The following HEMK2 variants were observed in gnomAD, a reference collection of about 807,000 sequenced individuals.
The protein encoded by HEMK2 is HemK methyltransferase 2, ETF1 glutamine and histone H4 lysine, also known as methyltransferase HEMK2.
At chr21:28,634,485 A>G in the HEMK2 span, among the ~76,000 whole-genome samples, 1 of 152,212 alleles carries the variant, frequency 6.6e-6, no homozygotes, top group Admixed American at 6.5e-5. Context: ...GTTTAAGTAG[A>G]TAAGTAGCTA....
the HEMK2 span, among the ~76,000 whole-genome samples, chr21:28,694,842 C>T: frequency 6.6e-6 from 1 of 151,920 alleles, no homozygotes; most frequent in Non-Finnish European, 1.5e-5. Flanking sequence ...ACTAAAAATA[C>T]AAAAAATTAG....
the HEMK2 span, among the ~76,000 whole-genome samples, chr21:28,880,949 A>AAAAAAG: frequency 1.4e-5 from 2 of 139,692 alleles, no homozygotes; most frequent in African/African-American, 2.5e-5. Flanking sequence ...AAAAAAAAAA[A>AAAAAAG]AAACCGGAAA....
the HEMK2 span, among the ~76,000 whole-genome samples, chr21:28,879,265 CAG>C: frequency 6.6e-6 from 1 of 151,748 alleles, no homozygotes; most frequent in Non-Finnish European, 1.5e-5. Context: ...TTTTTTGAGA[CAG>C]AGTCTCGCAC....
the HEMK2 span, among the ~76,000 whole-genome samples, chr21:28,723,104 G>A: frequency 9.9e-4 from 151 of 152,172 alleles, 1 homozygote; most frequent in African/African-American, 3.2e-3. Flanking sequence ...CCAACTCCTG[G>A]GCAGAAGCAA....
chr21:28,858,159 A>C, the HEMK2 span, among the ~76,000 whole-genome samples: 2 of 152,232 alleles, frequency 1.3e-5, no homozygotes, highest in Non-Finnish European at 2.9e-5. Context: ...AACACTGCTT[A>C]AGCGGGGTTT....
chr21:28,673,367 ACACTACTTCT>A, the HEMK2 span, among the ~76,000 whole-genome samples: 1 of 152,218 alleles, frequency 6.6e-6, no homozygotes, highest in Non-Finnish European at 1.5e-5. Context: ...AATTTGTCTG[ACACTACTTCT>A]CTTTACATTG....
chr21:28,817,290 AC>A, the HEMK2 span, among the ~76,000 whole-genome samples: 1 of 152,218 alleles, frequency 6.6e-6, no homozygotes, highest in Non-Finnish European at 1.5e-5. Context: ...TTATTTGTTT[AC>A]CCTTTCTGAA....
At chr21:28,614,437 C>T in the HEMK2 span, among the ~76,000 whole-genome samples, 2 of 151,764 alleles carry the variant, frequency 1.3e-5, no homozygotes, top group Admixed American at 6.6e-5. Context: ...ATATTGAAAC[C>T]TGTCCATCAG....
At chr21:28,583,232 T>C in the HEMK2 span, among the ~76,000 whole-genome samples, 6 of 152,216 alleles carry the variant, frequency 3.9e-5, no homozygotes, top group East Asian at 1.2e-3. Context: ...ATAAAAATTC[T>C]AGGTGAAAAG....
the HEMK2 span, among the ~76,000 whole-genome samples, chr21:28,597,861 A>C: frequency 6.6e-6 from 1 of 152,226 alleles, no homozygotes; most frequent in Non-Finnish European, 1.5e-5. Context: ...TATTTCCTAG[A>C]GACAAGAAGG....
chr21:28,885,269 G>A, the HEMK2 span: 2 of 1,594,714 alleles, frequency 1.3e-6, no homozygotes, highest in Non-Finnish European at 1.7e-6. Context: ...CGTGTCCTCC[G>A]CGGGCTCGTA....
the HEMK2 span, among the ~76,000 whole-genome samples, chr21:28,860,464 T>C: frequency 1.3e-5 from 2 of 148,476 alleles, no homozygotes. Context: ...AAAATATATA[T>C]ATATAACATA....
the HEMK2 span, among the ~76,000 whole-genome samples, chr21:28,733,615 GT>G: frequency 0.014 from 2,173 of 152,014 alleles, 53 homozygotes; most frequent in African/African-American, 0.05. Context: ...GGTCACCAAT[GT>G]TTTGAATTAA....
the HEMK2 span, among the ~76,000 whole-genome samples, chr21:28,877,475 G>C: frequency 6.8e-6 from 1 of 147,764 alleles, no homozygotes; most frequent in South Asian, 2.1e-4. Context: ...AAAAAGAAGA[G>C]AAGAGAAAGA....
chr21:28,650,122 C>T, the HEMK2 span, among the ~76,000 whole-genome samples: 1 of 152,132 alleles, frequency 6.6e-6, no homozygotes, highest in Non-Finnish European at 1.5e-5. Flanking sequence ...GCCAGCCAGG[C>T]GCGGTGGCTC....
chr21:28,781,573 G>A, the HEMK2 span, among the ~76,000 whole-genome samples: 94 of 152,282 alleles, frequency 6.2e-4, no homozygotes, highest in African/African-American at 2.2e-3. Context: ...ATGGTAAAAG[G>A]TACATAGAGC....
the HEMK2 span, among the ~76,000 whole-genome samples, chr21:28,792,791 C>T: frequency 6.6e-6 from 1 of 152,150 alleles, no homozygotes; most frequent in Non-Finnish European, 1.5e-5. Flanking sequence ...CTCAAGAGTA[C>T]AGCTTCCTAT....
chr21:28,619,303 G>A, the HEMK2 span, among the ~76,000 whole-genome samples: 3 of 152,194 alleles, frequency 2.0e-5, no homozygotes, highest in Non-Finnish European at 2.9e-5. Context: ...GCAAAAATTA[G>A]AGACAGCTCA....
chr21:28,764,106 C>G, the HEMK2 span, among the ~76,000 whole-genome samples: 1 of 152,076 alleles, frequency 6.6e-6, no homozygotes, highest in Non-Finnish European at 1.5e-5. Flanking sequence ...CCTCCCTACT[C>G]CCTGCTGCTG....
Sources: allele counts gnomAD v4.1 joint callset (sites outside exome capture counted in the v4.1 genomes callset), GRCh38; gene constraint gnomAD v4.1.1; transcripts MANE v1.5; gene names NCBI Gene and HGNC (gene_info 2026-07-23, HGNC 2026-07-21).